The following SMIM31 variants were observed in gnomAD, a reference collection of about 807,000 sequenced individuals.
SMIM31 encodes human epithelial cell program regulator.
intron 2 of SMIM31, among the ~76,000 whole-genome samples, chr4:164,789,862 ATC>A (rs1454665655): frequency 9.9e-5 from 15 of 152,102 alleles, no homozygotes; most frequent in African/African-American, 2.7e-4. Context: ...GTTCTCTTAG[ATC>A]TCTTAGTTAT....
At chr4:164,778,727 G>T (rs539246066) in intron 2 of SMIM31, among the ~76,000 whole-genome samples, 1 of 152,268 alleles carries the variant, frequency 6.6e-6, no homozygotes, top group African/African-American at 2.4e-5. Context: ...AGAGCTCGGT[G>T]AGCATGATCA....
chr4:164,770,186 A>G (rs1174477837), intron 1 of SMIM31, among the ~76,000 whole-genome samples: 1 of 151,100 alleles, frequency 6.6e-6, no homozygotes, highest in Non-Finnish European at 1.5e-5. Context: ...TGACTCTACC[A>G]TTCAGATTTC....
chr4:164,772,586 T>TTTTATTTTA (rs1491528860), intron 2 of SMIM31, among the ~76,000 whole-genome samples: 2 of 19,252 alleles, frequency 1.0e-4, no homozygotes, highest in East Asian at 0.036. Context: ...TTTTATTTTA[T>TTTTATTTTA]TTTTTTTTTT....
intron 2 of SMIM31, among the ~76,000 whole-genome samples, chr4:164,800,661 G>A (rs1282550156): frequency 6.6e-6 from 1 of 152,164 alleles, no homozygotes; most frequent in African/African-American, 2.4e-5. Context: ...CCAGTCTGTG[G>A]ACAGTGGCCT....
intron 2 of SMIM31, among the ~76,000 whole-genome samples, chr4:164,772,735 C>T (rs375654483): frequency 1.4e-4 from 21 of 151,694 alleles, no homozygotes; most frequent in South Asian, 4.2e-4. Context: ...CCCGCCACCA[C>T]GCCCGGCTAA....
chr4:164,757,446 T>C lies in SMIM31; in HGVS notation c.-26+3035T>C, dbSNP rs76941748. Among the ~76,000 whole-genome samples, 675 of 152,278 alleles carry C rather than the reference T, an allele frequency of 4.4e-3. 7 individuals carry two copies. Among genetic ancestry groups the C allele is most frequent in the East Asian group, 0.035 (182 of 5,178 alleles). ...TGAAAAGTCTAATTACAAATTTTTG[T>C]TTGGCTATTAATTTCCATGTCCTAT... is the stretch of plus-strand genomic sequence containing the variant. On this transcript the variant is annotated intron_variant, in intron 1 of 2. Transcript: ENST00000507311.
At chr4:164,773,388 A>C (rs1056486428) in intron 2 of SMIM31, among the ~76,000 whole-genome samples, 4 of 152,240 alleles carry the variant, frequency 2.6e-5, no homozygotes, top group African/African-American at 7.2e-5. Flanking sequence ...GTAATTTATA[A>C]AGGAAAGAGG....
chr4:164,796,698 T>C lies in SMIM31; in HGVS notation c.113-4393T>C, dbSNP rs143438660. On this transcript the variant is annotated intron_variant, in intron 2 of 2. Transcript: ENST00000507311. ...GCTCAAGAAAAACCTCTTTCTCTCA[T>C]AACCCATATCCAAACTGTCAGCAAA... Among the ~76,000 whole-genome samples, 32 of 152,290 alleles carry C rather than the reference T, an allele frequency of 2.1e-4. No individual in the cohort carries two copies. In the East Asian group the frequency reaches 5.8e-3, roughly 28 times the overall value.
At chr4:164,772,203 TCA>T (rs1170726487) in intron 2 of SMIM31, among the ~76,000 whole-genome samples, 4 of 152,126 alleles carry the variant, frequency 2.6e-5, no homozygotes, top group Non-Finnish European at 5.9e-5. Context: ...GTGAGGCATC[TCA>T]CACGGCCAAA....
intron 2 of SMIM31, among the ~76,000 whole-genome samples, chr4:164,782,452 C>T (rs1478595744): frequency 1.4e-5 from 2 of 142,226 alleles, no homozygotes; most frequent in East Asian, 2.1e-4. Flanking sequence ...GATCTCGGCT[C>T]ACTGCAAGCT....
intron 1 of SMIM31, among the ~76,000 whole-genome samples, chr4:164,760,738 T>TAAAAAAA (rs60710008): frequency 3.5e-5 from 3 of 86,248 alleles, no homozygotes; most frequent in African/African-American, 4.5e-5. Flanking sequence ...AGACTCCACC[T>TAAAAAAA]AAAAAAAAAA....
chr4:164,768,427 CAAAA>C (rs758951225), intron 1 of SMIM31, among the ~76,000 whole-genome samples: 1 of 94,710 alleles, frequency 1.1e-5, no homozygotes. Flanking sequence ...CAGTACATCT[CAAAA>C]AAAAAAAAAA....
chr4:164,795,318 G>A (rs1733175176), intron 2 of SMIM31, among the ~76,000 whole-genome samples: 1 of 152,178 alleles, frequency 6.6e-6, no homozygotes, highest in South Asian at 2.1e-4. Flanking sequence ...AGCACTTTGG[G>A]AGGCCAAGGC....
chr4:164,785,099 A>G (rs902593689), intron 2 of SMIM31, among the ~76,000 whole-genome samples: 5 of 151,822 alleles, frequency 3.3e-5, no homozygotes, highest in African/African-American at 1.2e-4. Context: ...GGTGGCATGC[A>G]CCTGTAATCC....
chr4:164,788,777 C>T (rs1044281444), intron 2 of SMIM31, among the ~76,000 whole-genome samples: 10 of 152,042 alleles, frequency 6.6e-5, no homozygotes, highest in Non-Finnish European at 1.2e-4. Context: ...TGAGCCACCA[C>T]GCCCGGCCCT....
chr4:164,769,045 G>A (rs768985047), intron 1 of SMIM31, among the ~76,000 whole-genome samples: 1 of 151,956 alleles, frequency 6.6e-6, no homozygotes, highest in South Asian at 2.1e-4. Flanking sequence ...TCATTTTAAT[G>A]TTGGGGCACC....
chr4:164,755,451 G>A (rs2110911907), intron 1 of SMIM31, among the ~76,000 whole-genome samples: 1 of 147,816 alleles, frequency 6.8e-6, no homozygotes, highest in East Asian at 2.0e-4. Flanking sequence ...CTGCACTCCA[G>A]CCTGGGCTAC....
At position 164,802,081 on chromosome 4, in the gene SMIM31, A is replaced by C. The variant is rs946467825; in HGVS notation, c.*887A>C. The C allele has an allele frequency of 1.3e-5, 2 of 152,226 alleles. No homozygotes were observed. Among genetic ancestry groups the C allele is most frequent in the African/African-American group, 4.8e-5 (2 of 41,402 alleles). The allele number at this position is 152,226 out of a possible 1,614,324, so 9.4% of individuals were successfully genotyped here. On this transcript the variant is annotated 3_prime_UTR_variant, in exon 3 of 3. Coordinates refer to ENST00000507311, the MANE Select transcript of SMIM31 (RefSeq NM_001352885.1). Reference sequence around the variant, plus strand: ...ACCCCGTCTCTACTAAAAATACAAAAAATTAGCCGAGCGTGGTGGCGGGCG... The same window carrying C: ...ACCCCGTCTCTACTAAAAATACAAACAATTAGCCGAGCGTGGTGGCGGGCG...
chr4:164,758,778 C>T (rs35576255), intron 1 of SMIM31, among the ~76,000 whole-genome samples: 4 of 138,186 alleles, frequency 2.9e-5, no homozygotes, highest in East Asian at 2.2e-4. Context: ...GGACTACAGG[C>T]GCCCGCCACC....
Sources: allele counts gnomAD v4.1 joint callset (sites outside exome capture counted in the v4.1 genomes callset), GRCh38; gene constraint gnomAD v4.1.1; transcripts MANE v1.5; gene names NCBI Gene and HGNC (gene_info 2026-07-23, HGNC 2026-07-21).